Variants in RASAL2 observed in about 807,000 individuals in gnomAD.
RASAL2 encodes ras GTPase-activating protein nGAP.
In RASAL2, 58 loss-of-function variants were observed where a neutral mutation model predicts 128.9. The ratio of observed to expected loss-of-function variants is 0.45; its 90% CI spans 0.36 to 0.56. The LOEUF (loss-of-function observed/expected upper bound fraction) is 0.56. Ranked by LOEUF, RASAL2 falls within the 20% of genes least tolerant of loss-of-function variation. RASAL2 has a pLI of 0.00. For missense variants in RASAL2, 1,360 were observed against 1,601.6 expected (o/e 0.85, Z 2.57); for synonymous variants, 561 against 580.8 (o/e 0.97, Z 0.49).
chr1:178,439,998 C>CATCCATCCATCT (rs34383194), intron 6 of RASAL2, among the ~76,000 whole-genome samples: 35,918 of 150,808 alleles, frequency 0.24, 5,303 homozygotes, highest in African/African-American at 0.41. Context: ...TCCATCCATC[C>CATCCATCCATCT]ATCCATCCAT....
chr1:178,148,776 TTGGA>T (rs1185558960), intron 1 of RASAL2, among the ~76,000 whole-genome samples: 1 of 152,152 alleles, frequency 6.6e-6, no homozygotes, highest in African/African-American at 2.4e-5. Context: ...ATTTAGAAAT[TTGGA>T]GAGTTGTCCA....
chr1:178,210,641 G>T (rs575712240), intron 1 of RASAL2, among the ~76,000 whole-genome samples: 1 of 152,252 alleles, frequency 6.6e-6, no homozygotes, highest in African/African-American at 2.4e-5. Context: ...CATTCCACTG[G>T]TGATATAACA....
intron 1 of RASAL2, among the ~76,000 whole-genome samples, chr1:178,260,088 C>T (rs1223527711): frequency 6.6e-6 from 1 of 151,502 alleles, no homozygotes; most frequent in Non-Finnish European, 1.5e-5. Context: ...CGCGTTGGCT[C>T]ACGCCTGTAA....
chr1:178,247,424 T>C (rs1472897698), intron 1 of RASAL2, among the ~76,000 whole-genome samples: 1 of 152,154 alleles, frequency 6.6e-6, no homozygotes, highest in Non-Finnish European at 1.5e-5. Context: ...AGTGATGATA[T>C]CCCCTTTATG....
rs182255589 is a variant in RASAL2 at position 178,472,334 on chromosome 1, G to C, written c.3679-741G>C. On this transcript the variant is annotated intron_variant, in intron 17 of 17. Coordinates refer to ENST00000367649, the MANE Select transcript of RASAL2 (RefSeq NM_170692.4). ...AGCATTTTTTTTCAGAGACTCAAAA[G>C]TAAAATGAAAGCAATCTCCGTATTG... Among the ~76,000 whole-genome samples the C allele has an allele frequency of 2.9e-3, 440 of 152,140 alleles. 2 individuals carry two copies. The highest frequency in any genetic ancestry group is 0.01 in the African/African-American group (424 of 41,510).
At chr1:178,458,807 G>A (rs1381493601) in intron 14 of RASAL2, among the ~76,000 whole-genome samples, 2 of 152,130 alleles carry the variant, frequency 1.3e-5, no homozygotes, top group Non-Finnish European at 2.9e-5. Context: ...TGCTACCTCA[G>A]TTTGCACTTA....
intron 4 of RASAL2, among the ~76,000 whole-genome samples, chr1:178,414,825 A>G (rs1707950042): frequency 6.6e-6 from 1 of 152,100 alleles, no homozygotes; most frequent in Admixed American, 6.5e-5. Context: ...CTTCCTGTAT[A>G]AGTTTGGCAG....
intron 1 of RASAL2, among the ~76,000 whole-genome samples, chr1:178,121,262 C>T (rs750084786): frequency 6.6e-5 from 10 of 151,982 alleles, no homozygotes; most frequent in South Asian, 6.2e-4. Flanking sequence ...ATATTTTGTT[C>T]ACTAGGGTAT....
intron 1 of RASAL2, among the ~76,000 whole-genome samples, chr1:178,214,906 C>T (rs1215312652): frequency 2.6e-5 from 4 of 152,140 alleles, no homozygotes; most frequent in Non-Finnish European, 5.9e-5. Context: ...GTAAAGCTAT[C>T]TGGTCTCCAA....
intron 1 of RASAL2, among the ~76,000 whole-genome samples, chr1:178,209,778 A>G (rs984578802): frequency 6.6e-6 from 1 of 152,016 alleles, no homozygotes; most frequent in African/African-American, 2.4e-5. Context: ...TAATATATAC[A>G]GATCAGTCTC....
intron 1 of RASAL2, among the ~76,000 whole-genome samples, chr1:178,264,220 A>G (rs550311628): frequency 1.3e-5 from 2 of 152,224 alleles, no homozygotes; most frequent in Non-Finnish European, 2.9e-5. Context: ...CACTTTCCCT[A>G]TCTCTACCCG....
intron 14 of RASAL2, among the ~76,000 whole-genome samples, chr1:178,461,109 T>C (rs1008421403): frequency 5.9e-5 from 9 of 152,224 alleles, no homozygotes; most frequent in African/African-American, 1.9e-4. Flanking sequence ...CCACCGTGCC[T>C]GGCCTAGTTT....
intron 1 of RASAL2, among the ~76,000 whole-genome samples, chr1:178,244,844 G>A (rs1664696335): frequency 6.6e-6 from 1 of 152,018 alleles, no homozygotes; most frequent in South Asian, 2.1e-4. Flanking sequence ...TTCTGTTCCT[G>A]TGTTAGTTTG....
intron 1 of RASAL2, among the ~76,000 whole-genome samples, chr1:178,271,726 C>G (rs1164499160): frequency 1.3e-5 from 2 of 152,158 alleles, no homozygotes. Context: ...GGTGTCATTC[C>G]TCTGTTTAAA....
chr1:178,300,741 T>C (rs1571812776), intron 3 of RASAL2, among the ~76,000 whole-genome samples: 1 of 152,380 alleles, frequency 6.6e-6, no homozygotes, highest in East Asian at 1.9e-4. Flanking sequence ...TCCCATTCCC[T>C]ACCAAATGTA....
intron 1 of RASAL2, among the ~76,000 whole-genome samples, chr1:178,233,383 C>T (rs553107261): frequency 6.5e-4 from 99 of 152,234 alleles, no homozygotes; most frequent in African/African-American, 2.3e-3. Flanking sequence ...GAGATAGGAA[C>T]AAGTTTAAAG....
At chr1:178,147,497 G>T (rs887418958) in intron 1 of RASAL2, among the ~76,000 whole-genome samples, 2 of 136,074 alleles carry the variant, frequency 1.5e-5, no homozygotes, top group Non-Finnish European at 3.1e-5. Flanking sequence ...AAAAAAAAAA[G>T]AAAAGTAAAG....
intron 1 of RASAL2, among the ~76,000 whole-genome samples, chr1:178,164,716 T>G (rs6673502): frequency 0.028 from 4,302 of 152,066 alleles, 80 homozygotes; most frequent in East Asian, 0.089. Flanking sequence ...GTTGATAAAT[T>G]ACCTATTTTG....
intron 1 of RASAL2, among the ~76,000 whole-genome samples, chr1:178,126,518 A>G (rs1207148756): frequency 6.6e-6 from 1 of 152,210 alleles, no homozygotes; most frequent in Non-Finnish European, 1.5e-5. Context: ...TTAAAGAAAC[A>G]CCATTCTTTT....
Sources: gnomAD v4.1 joint callset for allele counts (sites outside exome capture counted in the v4.1 genomes callset) on GRCh38, gnomAD v4.1.1 for gene constraint, MANE v1.5 for transcripts, NCBI Gene and HGNC (gene_info 2026-07-23, HGNC 2026-07-21) for gene names.